Variants in CFAP299 observed in about 807,000 individuals in gnomAD.
CFAP299 encodes the protein cilia and flagella associated protein 299, also known as cilia- and flagella-associated protein 299.
Under a neutral mutation model 27.0 loss-of-function variants are expected in CFAP299, and 21 were observed. The observed-to-expected ratio is 0.78, with a 90% CI of 0.55 to 1.12. The LOEUF (loss-of-function observed/expected upper bound fraction) is 1.12. CFAP299 is among the 50% of genes most tolerant of loss of function. CFAP299 has a pLI of 0.00. For missense variants in CFAP299, 310 were observed against 276.6 expected (o/e 1.12, Z -0.86); for synonymous variants, 104 against 98.1 (o/e 1.06, Z -0.36).
intron 4 of CFAP299, among the ~76,000 whole-genome samples, chr4:80,908,068 G>A (rs1560472315): frequency 6.6e-6 from 1 of 152,162 alleles, no homozygotes; most frequent in Non-Finnish European, 1.5e-5. Flanking sequence ...TAACAAGCAA[G>A]TGCAAAGTGA....
chr4:80,362,140 A>T (rs1158854001), intron 1 of CFAP299, among the ~76,000 whole-genome samples: 1 of 151,120 alleles, frequency 6.6e-6, no homozygotes, highest in African/African-American at 2.4e-5. Flanking sequence ...TCAATTTGAA[A>T]TTTTTTTGTG....
chr4:80,663,809 C>T (rs946324836), intron 3 of CFAP299, among the ~76,000 whole-genome samples: 9 of 152,146 alleles, frequency 5.9e-5, no homozygotes, highest in African/African-American at 2.2e-4. Context: ...TGTTTACTGA[C>T]GTTTTAATGA....
intron 1 of CFAP299, among the ~76,000 whole-genome samples, chr4:80,341,329 C>A (rs1248197142): frequency 6.6e-6 from 1 of 152,156 alleles, no homozygotes; most frequent in Non-Finnish European, 1.5e-5. Flanking sequence ...CCTGCTCTAC[C>A]AAAAAGCAAC....
chr4:80,572,649 C>T (rs1400133526), intron 2 of CFAP299, among the ~76,000 whole-genome samples: 2 of 151,056 alleles, frequency 1.3e-5, no homozygotes, highest in African/African-American at 2.4e-5. Context: ...TCCCGAGTAG[C>T]TGGGATTACA....
At chr4:80,572,574 A>G (rs909501780) in intron 2 of CFAP299, among the ~76,000 whole-genome samples, 12 of 119,124 alleles carry the variant, frequency 1.0e-4, no homozygotes, top group Non-Finnish European at 1.9e-4. Flanking sequence ...CTGGAATGTA[A>G]TGGTGCTATC....
chr4:80,744,746 C>T (rs569498197), intron 3 of CFAP299, among the ~76,000 whole-genome samples: 73 of 152,222 alleles, frequency 4.8e-4, no homozygotes, highest in Middle Eastern at 3.4e-3. Context: ...CTCAATTTTT[C>T]CTCAGCTTGA....
At chr4:80,555,022 A>T (rs1389855795) in intron 2 of CFAP299, among the ~76,000 whole-genome samples, 1 of 152,052 alleles carries the variant, frequency 6.6e-6, no homozygotes, top group African/African-American at 2.4e-5. Flanking sequence ...TCTGGCTGGG[A>T]TTTCCAATAA....
rs368024135 is a variant in CFAP299, at chr4:80,827,446, C to A, written c.334-42547C>A. On this transcript the variant is annotated intron_variant, in intron 3 of 5. Transcript: ENST00000358105. The stretch of plus-strand genomic sequence containing the variant: ...TGATCAATGTAGTACATCACATTAA[C>A]AGAATGAAGAAAAAAATCATATGGC... Among the ~76,000 whole-genome samples the A allele has an allele frequency of 5.9e-5, 9 of 151,776 alleles. No homozygotes were observed. In the South Asian group the frequency reaches 1.9e-3, roughly 31 times the overall value.
chr4:80,869,941 A>AGG (rs1365500736), intron 3 of CFAP299, 52 bp from the exon 4 acceptor site: 2 of 1,528,002 alleles, frequency 1.3e-6, no homozygotes, highest in Admixed American at 1.9e-5. Flanking sequence ...GGCATTCCAT[A>AGG]ATAAATCAGC....
At chr4:80,710,940 C>G (rs756835682) in intron 3 of CFAP299, among the ~76,000 whole-genome samples, 7 of 152,106 alleles carry the variant, frequency 4.6e-5, no homozygotes, top group Non-Finnish European at 8.8e-5. Context: ...AGGATGGGCC[C>G]AGGTAAACCT....
At chr4:80,947,970 T>C (rs1296136735) in intron 5 of CFAP299, among the ~76,000 whole-genome samples, 1 of 152,166 alleles carries the variant, frequency 6.6e-6, no homozygotes, top group Non-Finnish European at 1.5e-5. Context: ...TCAATATTTT[T>C]CTTAGCAATT....
At chr4:80,624,609 A>T (rs1471540064) in intron 3 of CFAP299, among the ~76,000 whole-genome samples, 1 of 152,116 alleles carries the variant, frequency 6.6e-6, no homozygotes, top group Admixed American at 6.6e-5. Context: ...CTGGAGAAAG[A>T]CATCAATTTC....
chr4:80,803,543 AAGTT>A (rs1728716357), intron 3 of CFAP299, among the ~76,000 whole-genome samples: 1 of 151,980 alleles, frequency 6.6e-6, no homozygotes, highest in African/African-American at 2.4e-5. Flanking sequence ...AGGAAAGTGA[AAGTT>A]AGAGCAAGGG....
At chr4:80,452,174 TG>T (rs1728935583) in intron 2 of CFAP299, among the ~76,000 whole-genome samples, 1 of 152,050 alleles carries the variant, frequency 6.6e-6, no homozygotes, top group Non-Finnish European at 1.5e-5. Context: ...AGGTCATATT[TG>T]GTGTATATAG....
intron 3 of CFAP299, among the ~76,000 whole-genome samples, chr4:80,784,791 G>A (rs577943728): frequency 1.3e-5 from 2 of 152,230 alleles, no homozygotes; most frequent in South Asian, 2.1e-4. Context: ...CCAAAGTGCT[G>A]GGATTACAGG....
chr4:80,626,526 A>G (rs1249933236), intron 3 of CFAP299, among the ~76,000 whole-genome samples: 1 of 151,872 alleles, frequency 6.6e-6, no homozygotes, highest in Non-Finnish European at 1.5e-5. Context: ...GAAGGAAATA[A>G]TAAAAATCAG....
At chr4:80,739,341 G>A (rs542132884) in intron 3 of CFAP299, among the ~76,000 whole-genome samples, 38 of 152,116 alleles carry the variant, frequency 2.5e-4, no homozygotes, top group African/African-American at 8.4e-4. Flanking sequence ...TTTCTTGCAC[G>A]TCAGGTCTGG....
chr4:80,407,779 GTGAA>G (rs1217830387), intron 2 of CFAP299, among the ~76,000 whole-genome samples: 10 of 152,104 alleles, frequency 6.6e-5, no homozygotes. Context: ...AACCAACATT[GTGAA>G]TTCTGTGTTC....
At chr4:80,871,149 C>T in intron 4 of CFAP299, 3 of 883,476 alleles carry the variant, frequency 3.4e-6, no homozygotes, top group Non-Finnish European at 4.1e-6. Context: ...TCAGGTGATC[C>T]ACCGGCCTCA....
Sources: allele counts gnomAD v4.1 joint callset (sites outside exome capture counted in the v4.1 genomes callset), GRCh38; gene constraint gnomAD v4.1.1; transcripts MANE v1.5; gene names NCBI Gene and HGNC (gene_info 2026-07-23, HGNC 2026-07-21).